Variants in PTPN4 observed in about 807,000 individuals in gnomAD.
PTPN4 encodes the protein protein tyrosine phosphatase non-receptor type 4.
A neutral mutation model predicts 135.5 loss-of-function variants in PTPN4; 49 were observed. The ratio of observed to expected loss-of-function variants is 0.36; its 90% CI spans 0.29 to 0.46. The LOEUF is 0.46. Ranked by LOEUF, PTPN4 falls within the 20% of genes least tolerant of loss-of-function variation. The pLI is 1.00. For missense variants in PTPN4, 860 were observed against 1,101.0 expected (o/e 0.78, Z 3.10); for synonymous variants, 333 against 369.9 (o/e 0.90, Z 1.14).
At chr2:119,829,590 T>C (rs1213849321) in intron 2 of PTPN4, among the ~76,000 whole-genome samples, 3 of 152,224 alleles carry the variant, frequency 2.0e-5, no homozygotes, top group African/African-American at 7.2e-5. Context: ...TCTTATTGTG[T>C]TTGGCTTATT....
intron 9 of PTPN4, among the ~76,000 whole-genome samples, chr2:119,887,510 G>T (rs187190006): frequency 3.7e-4 from 56 of 152,174 alleles, no homozygotes; most frequent in Admixed American, 8.5e-4. Context: ...TATAGTTTCG[G>T]GTATTACACT....
intron 2 of PTPN4, among the ~76,000 whole-genome samples, chr2:119,854,490 T>C (rs1677643022): frequency 6.6e-6 from 1 of 152,188 alleles, no homozygotes; most frequent in Admixed American, 6.5e-5. Context: ...TAGAGAGTTT[T>C]GGGTGACGAC....
At chr2:119,844,234 G>A (rs1677435882) in intron 2 of PTPN4, among the ~76,000 whole-genome samples, 1 of 135,302 alleles carries the variant, frequency 7.4e-6, no homozygotes, top group South Asian at 2.5e-4. Flanking sequence ...CGGGCGGGCA[G>A]AGGCGCCCCT....
intron 2 of PTPN4, among the ~76,000 whole-genome samples, chr2:119,811,931 C>A (rs962872243): frequency 6.6e-6 from 1 of 151,736 alleles, no homozygotes; most frequent in Non-Finnish European, 1.5e-5. Flanking sequence ...ATTTAGCTGG[C>A]AGTTTCAATA....
At chr2:119,971,021 GT>G (rs1416007153) in intron 26 of PTPN4, among the ~76,000 whole-genome samples, 4 of 152,142 alleles carry the variant, frequency 2.6e-5, no homozygotes, top group Non-Finnish European at 5.9e-5. Context: ...TGAATTTGTT[GT>G]GCATTTCCCT....
intron 12 of PTPN4, 63 bp downstream of exon 12, chr2:119,920,304 G>T (rs1678717547): frequency 1.3e-6 from 2 of 1,484,292 alleles, no homozygotes; most frequent in East Asian, 2.3e-5. Context: ...TTAAAATAAA[G>T]ATGTAGTTTA....
Position 119,911,274 on chromosome 2 carries a change from C to T in PTPN4, c.765-3905C>T, listed in dbSNP as rs115043680. The stretch of plus-strand genomic sequence containing the variant: ...TAATAAAAGTTTAGCAAATTCTATC[C>T]AGTAATATATAAAAATGACAATTCA... On this transcript the variant is annotated intron_variant, in intron 10 of 26. Transcript: ENST00000263708. Among the ~76,000 whole-genome samples, 548 of 152,096 alleles carry T rather than the reference C, an allele frequency of 3.6e-3. 3 individuals carry two copies. Among genetic ancestry groups the T allele is most frequent in the African/African-American group, 0.013 (523 of 41,514 alleles).
chr2:119,926,685 A>C lies in PTPN4; in HGVS notation c.1070+19A>C. 6.5e-7 allele frequency: 1 copy of C among 1,546,050 alleles called. No homozygotes were observed. Among genetic ancestry groups the C allele is most frequent in the Non-Finnish European group, 8.8e-7 (1 of 1,138,404 alleles). On this transcript the variant is annotated intron_variant, in intron 13 of 26. Coordinates refer to ENST00000263708, the MANE Select transcript of PTPN4 (RefSeq NM_002830.4). The stretch of plus-strand genomic sequence containing the variant: ...TTGCAAGGTAAGCCAAATCTGTTTC[A>C]TTGTTTGAATTTTTTTAAAAAGATG...
intron 2 of PTPN4, among the ~76,000 whole-genome samples, chr2:119,838,456 T>C (rs1677328932): frequency 6.6e-6 from 1 of 152,200 alleles, no homozygotes; most frequent in Admixed American, 6.5e-5. Flanking sequence ...CCTTCCAAAG[T>C]ATTTTCCCCT....
At chr2:119,867,118 G>A (rs1677844389) in intron 3 of PTPN4, among the ~76,000 whole-genome samples, 1 of 152,140 alleles carries the variant, frequency 6.6e-6, no homozygotes, top group African/African-American at 2.4e-5. Context: ...TTAATAAAAG[G>A]AGAAGGGGTA....
chr2:119,965,704 G>A (rs901170586), intron 25 of PTPN4, 59 bp downstream of exon 25: 4 of 1,531,634 alleles, frequency 2.6e-6, no homozygotes. Flanking sequence ...ATTTTTAAAA[G>A]AGAGTACATA....
intron 2 of PTPN4, among the ~76,000 whole-genome samples, chr2:119,824,766 C>T (rs1157695993): frequency 6.6e-6 from 1 of 152,040 alleles, no homozygotes; most frequent in African/African-American, 2.4e-5. Context: ...CGGCTCACTG[C>T]AGCCTCTGCC....
At chr2:119,936,389 A>T (rs952556490) in intron 15 of PTPN4, among the ~76,000 whole-genome samples, 1 of 152,128 alleles carries the variant, frequency 6.6e-6, no homozygotes, top group African/African-American at 2.4e-5. Context: ...CTCACCTTGA[A>T]TTGTAATCTC....
intron 13 of PTPN4, among the ~76,000 whole-genome samples, chr2:119,927,914 A>C: frequency 6.6e-6 from 1 of 152,152 alleles, no homozygotes; most frequent in East Asian, 1.9e-4. Context: ...TCCTCCTTCC[A>C]AAAGTGGAAA....
intron 10 of PTPN4, among the ~76,000 whole-genome samples, chr2:119,913,542 C>T (rs1678604185): frequency 6.6e-6 from 1 of 152,120 alleles, no homozygotes; most frequent in Admixed American, 6.6e-5. Flanking sequence ...ATAGTCCCAG[C>T]TACTCAGGAG....
intron 2 of PTPN4, among the ~76,000 whole-genome samples, chr2:119,851,204 G>C (rs1465107056): frequency 6.6e-6 from 1 of 152,182 alleles, no homozygotes; most frequent in Admixed American, 6.5e-5. Flanking sequence ...CTTTGAAACT[G>C]TTGTTACCGG....
At chr2:119,801,261 T>C (rs1188951956) in intron 1 of PTPN4, among the ~76,000 whole-genome samples, 1 of 152,170 alleles carries the variant, frequency 6.6e-6, no homozygotes, top group Non-Finnish European at 1.5e-5. Context: ...CTAATTTTTC[T>C]ATTTTTAGTA....
In PTPN4 at chr2:119,943,580, C is replaced by CTTTT. The variant is rs70949374; in HGVS notation, c.1356-1481_1356-1478dup. ...AAATCATAAGCTGTTTCATTTTTTT[C>CTTTT]TTTTTTTTTTTTTTTTTTTTTTTGA... On this transcript the variant is annotated intron_variant, in intron 15 of 26. Coordinates refer to ENST00000263708, the MANE Select transcript of PTPN4 (RefSeq NM_002830.4). Among the ~76,000 whole-genome samples the CTTTT allele has an allele frequency of 2.4e-3, 195 of 79,912 alleles. 5 individuals are homozygous for CTTTT. The highest frequency in any genetic ancestry group is 3.4e-3 in the African/African-American group (67 of 19,986). 52.4% of individuals were successfully genotyped at this position (79,912 alleles called of 152,430 possible). A position where few individuals can be genotyped will look rare whatever the true frequency, so the allele number is the denominator to read the frequency against.
intron 3 of PTPN4, among the ~76,000 whole-genome samples, chr2:119,869,985 G>A (rs1051813301): frequency 5.9e-5 from 9 of 152,174 alleles, no homozygotes; most frequent in African/African-American, 2.2e-4. Flanking sequence ...AGGCCACTTG[G>A]CCTCCTCTTT....
Sources: gnomAD v4.1 joint callset for allele counts (sites outside exome capture counted in the v4.1 genomes callset) on GRCh38, gnomAD v4.1.1 for gene constraint, MANE v1.5 for transcripts, NCBI Gene and HGNC (gene_info 2026-07-23, HGNC 2026-07-21) for gene names.